The following TLK1 variants were observed in gnomAD, a reference collection of about 807,000 sequenced individuals.
TLK1 encodes serine/threonine-protein kinase tousled-like 1.
In TLK1, 24 loss-of-function variants were observed where a neutral mutation model predicts 105.3. The observed-to-expected ratio is 0.23, with a 90% CI of 0.17 to 0.32. The LOEUF (loss-of-function observed/expected upper bound fraction) is 0.32, where lower values mean the gene tolerates loss of function less well. Ranked by LOEUF, TLK1 falls within the 10% of genes least tolerant of loss-of-function variation. The pLI, the probability that TLK1 is intolerant of heterozygous loss-of-function variation, is 1.00. For missense variants in TLK1, 558 were observed against 910.5 expected (o/e 0.61, Z 4.98); for synonymous variants, 321 against 310.4 (o/e 1.03, Z -0.36).
chr2:171,094,971 T>G (rs1689392187), intron 2 of TLK1, among the ~76,000 whole-genome samples: 1 of 152,112 alleles, frequency 6.6e-6, no homozygotes. Flanking sequence ...ATGACTGCCA[T>G]AAAGATTTGT....
intron 1 of TLK1, among the ~76,000 whole-genome samples, chr2:171,169,869 A>G (rs1212311809): frequency 6.6e-6 from 1 of 152,234 alleles, no homozygotes; most frequent in Non-Finnish European, 1.5e-5. Context: ...TATTGATTCA[A>G]TTAAGCAAAG....
chr2:171,000,503 T>C (rs563679877), intron 18 of TLK1, among the ~76,000 whole-genome samples: 4 of 152,044 alleles, frequency 2.6e-5, no homozygotes, highest in East Asian at 1.9e-4. Flanking sequence ...TAAATTCTTA[T>C]AGTAAGCTAG....
intron 12 of TLK1, among the ~76,000 whole-genome samples, chr2:171,020,030 C>T (rs1177467501): frequency 6.7e-6 from 1 of 149,722 alleles, no homozygotes; most frequent in African/African-American, 2.5e-5. Context: ...TGCACTCTAG[C>T]CAGCCTGGGT....
intron 12 of TLK1, among the ~76,000 whole-genome samples, chr2:171,025,863 T>C (rs1385338376): frequency 6.6e-6 from 1 of 152,236 alleles, no homozygotes; most frequent in East Asian, 1.9e-4. Context: ...GCAACTGCTA[T>C]TTATGCTCTA....
At chr2:171,071,150 C>T (rs1688236236) in intron 3 of TLK1, among the ~76,000 whole-genome samples, 3 of 151,476 alleles carry the variant, frequency 2.0e-5, no homozygotes, top group African/African-American at 4.9e-5. Context: ...GTTGTTTGAG[C>T]TCCTCATATA....
intron 8 of TLK1, among the ~76,000 whole-genome samples, chr2:171,050,949 T>G (rs895679293): frequency 6.6e-6 from 1 of 152,176 alleles, no homozygotes; most frequent in African/African-American, 2.4e-5. Flanking sequence ...AGATCACACT[T>G]TGAGAATCAA....
intron 1 of TLK1, among the ~76,000 whole-genome samples, chr2:171,175,457 T>G (rs57335774): frequency 0.15 from 22,903 of 152,122 alleles, 2,337 homozygotes; most frequent in East Asian, 0.3. Flanking sequence ...TAGAGATGAT[T>G]TAAAGTTTTT....
intron 1 of TLK1, among the ~76,000 whole-genome samples, chr2:171,121,429 G>A (rs764855992): frequency 2.6e-5 from 4 of 152,098 alleles, no homozygotes; most frequent in Non-Finnish European, 5.9e-5. Context: ...CTACTAAGGA[G>A]CTGAGGTGGG....
intron 11 of TLK1, among the ~76,000 whole-genome samples, chr2:171,038,954 ATCTG>A (rs559364464): frequency 2.0e-5 from 3 of 152,014 alleles, no homozygotes; most frequent in South Asian, 2.1e-4. Context: ...TGATTTGTGG[ATCTG>A]TCTATTATTA....
rs947741019 is a variant in TLK1, at chr2:170,991,387, A to G, written c.*2393T>C. 1 of 152,228 alleles carries G rather than the reference A, an allele frequency of 6.6e-6. No homozygotes were observed. The highest frequency in any genetic ancestry group is 2.4e-5 in the African/African-American group (1 of 41,462). 9.4% of individuals were successfully genotyped at this position (152,228 alleles called of 1,614,324 possible). A position where few individuals can be genotyped will look rare whatever the true frequency, so the allele number is the denominator to read the frequency against. ...TGTGAGGGTAAAAGTAAGTTATTCAATGTGGCTAAATTAGCCATCTTGGTT... is the reference window on the plus strand; with the variant it reads ...TGTGAGGGTAAAAGTAAGTTATTCAGTGTGGCTAAATTAGCCATCTTGGTT... On this transcript the variant is annotated 3_prime_UTR_variant, in exon 21 of 21. Coordinates refer to ENST00000431350, the MANE Select transcript of TLK1 (RefSeq NM_012290.5).
intron 18 of TLK1, 75 bp downstream of exon 18, chr2:171,006,072 A>G: frequency 7.1e-7 from 1 of 1,406,536 alleles, no homozygotes; most frequent in Non-Finnish European, 9.4e-7. Flanking sequence ...TGGAAATAAA[A>G]AAAAAAACAC....
intron 7 of TLK1, chr2:171,054,875 G>C (rs996871930): frequency 5.8e-6 from 2 of 343,252 alleles, no homozygotes; most frequent in Admixed American, 4.8e-5. Flanking sequence ...ACATGTTAAC[G>C]GTTGTTTAAA....
At chr2:171,100,907 G>A (rs1198954429) in intron 2 of TLK1, among the ~76,000 whole-genome samples, 3 of 152,004 alleles carry the variant, frequency 2.0e-5, no homozygotes, top group African/African-American at 4.8e-5. Flanking sequence ...ATCAAAAAAC[G>A]GAAACAACCA....
chr2:171,015,275 A>G (rs1685118627), intron 12 of TLK1, among the ~76,000 whole-genome samples: 1 of 144,832 alleles, frequency 6.9e-6, no homozygotes, highest in South Asian at 2.1e-4. Context: ...AGCCATTTCT[A>G]GTCCATGCAA....
intron 1 of TLK1, among the ~76,000 whole-genome samples, chr2:171,140,361 A>T (rs887395000): frequency 6.6e-6 from 1 of 152,216 alleles, no homozygotes; most frequent in African/African-American, 2.4e-5. Flanking sequence ...TCAGGCAGTA[A>T]AGAAATGGGG....
intron 1 of TLK1, among the ~76,000 whole-genome samples, chr2:171,222,807 C>T (rs890461841): frequency 1.3e-5 from 2 of 150,472 alleles, no homozygotes; most frequent in Non-Finnish European, 3.0e-5. Context: ...TAACTATAGT[C>T]TATTTATTTA....
At chr2:171,168,161 T>C (rs1001992059) in intron 1 of TLK1, among the ~76,000 whole-genome samples, 10 of 152,050 alleles carry the variant, frequency 6.6e-5, no homozygotes, top group African/African-American at 2.4e-4. Context: ...ATATCAAATA[T>C]CTTTGATCTT....
intron 1 of TLK1, among the ~76,000 whole-genome samples, chr2:171,201,886 T>C (rs1281062723): frequency 6.7e-6 from 1 of 150,284 alleles, no homozygotes; most frequent in East Asian, 2.0e-4. Context: ...CCTAAGACCA[T>C]TTATCAGCTA....
chr2:171,111,944 G>A (rs1464801721), intron 2 of TLK1, among the ~76,000 whole-genome samples: 2 of 126,176 alleles, frequency 1.6e-5, no homozygotes, highest in Non-Finnish European at 3.3e-5. Context: ...ATAAATGGTA[G>A]GGTTTTTTGT....
Sources: allele counts gnomAD v4.1 joint callset (sites outside exome capture counted in the v4.1 genomes callset), GRCh38; gene constraint gnomAD v4.1.1; transcripts MANE v1.5; gene names NCBI Gene and HGNC (gene_info 2026-07-23, HGNC 2026-07-21).